Variants in PPFIBP1 observed in about 807,000 individuals in gnomAD.
PPFIBP1 encodes liprin-beta-1.
In PPFIBP1, 112 loss-of-function variants were observed where a neutral mutation model predicts 137.8. The ratio of observed to expected loss-of-function variants is 0.81; its 90% CI spans 0.70 to 0.95. The LOEUF (loss-of-function observed/expected upper bound fraction) is 0.95, where lower values mean the gene tolerates loss of function less well. Among genes scored for constraint, PPFIBP1 ranks in the 40% least tolerant of loss-of-function variants. The pLI, the probability that PPFIBP1 is intolerant of heterozygous loss-of-function variation, is 0.00. For synonymous variants in PPFIBP1, 378 were observed against 417.3 expected, an observed-to-expected ratio of 0.91 and a Z score of 1.15; for missense variants, 1,083 against 1,196.6, an observed-to-expected ratio of 0.91 and a Z score of 1.40.
chr12:27,678,834 GAA>G (rs2060685669), intron 19 of PPFIBP1, among the ~76,000 whole-genome samples: 1 of 120,920 alleles, frequency 8.3e-6, no homozygotes, highest in Non-Finnish European at 1.6e-5. Context: ...TCCAGCCTGG[GAA>G]ACAGAGTGAG....
chr12:27,582,828 A>G (rs993993345), intron 2 of PPFIBP1, among the ~76,000 whole-genome samples: 2 of 152,204 alleles, frequency 1.3e-5, no homozygotes, highest in Non-Finnish European at 2.9e-5. Flanking sequence ...TATTACCTTG[A>G]GCTGAGGTGT....
chr12:27,550,676 A>T (rs1946674889), intron 1 of PPFIBP1, among the ~76,000 whole-genome samples: 1 of 152,204 alleles, frequency 6.6e-6, no homozygotes, highest in African/African-American at 2.4e-5. Context: ...TGTAAGACAC[A>T]TTCCAATATT....
chr12:27,680,838 AC>A, intron 21 of PPFIBP1, among the ~76,000 whole-genome samples: 1 of 152,338 alleles, frequency 6.6e-6, no homozygotes. Flanking sequence ...TAATAGACTG[AC>A]TAGAAACCCT....
chr12:27,622,975 A>G (rs1028333437), intron 2 of PPFIBP1, among the ~76,000 whole-genome samples: 4 of 152,220 alleles, frequency 2.6e-5, no homozygotes, highest in African/African-American at 9.6e-5. Flanking sequence ...GTGCTCATGT[A>G]TAGGAATTTA....
At position 27,681,784 on chromosome 12, in the gene PPFIBP1, A is replaced by G. The variant is rs569467465; in HGVS notation, c.2046+88A>G. 133 of 1,441,410 alleles carry G rather than the reference A, an allele frequency of 9.2e-5. 1 individual carries two copies. The African/African-American group carries it at 1.1e-3, about 12-fold the overall frequency. The allele number at this position is 1,441,410 out of a possible 1,614,324, so 89.3% of individuals were successfully genotyped here. The stretch of plus-strand genomic sequence containing the variant: ...GTTGTTTTATAGTCCAGAAAGGGCC[A>G]TGAGTGAAGCCAGTAAAAACTCTGT... On this transcript the variant is annotated intron_variant, in intron 22 of 29. Coordinates refer to ENST00000228425, the MANE Select transcript of PPFIBP1 (RefSeq NM_003622.4).
intron 27 of PPFIBP1, among the ~76,000 whole-genome samples, chr12:27,691,162 A>G (rs1365148644): frequency 2.7e-5 from 4 of 149,972 alleles, no homozygotes; most frequent in Non-Finnish European, 5.9e-5. Flanking sequence ...CAAGATAATT[A>G]TAGCCTCACC....
intron 1 of PPFIBP1, among the ~76,000 whole-genome samples, chr12:27,558,726 G>A (rs1416813179): frequency 1.3e-5 from 2 of 152,070 alleles, no homozygotes; most frequent in East Asian, 1.9e-4. Flanking sequence ...GCACTGTAGG[G>A]CCCCAATTCG....
At chr12:27,601,409 C>T (rs2053970753) in intron 2 of PPFIBP1, among the ~76,000 whole-genome samples, 1 of 152,146 alleles carries the variant, frequency 6.6e-6, no homozygotes. Flanking sequence ...CAGATACAAC[C>T]TTATCAAGGC....
At chr12:27,580,248 A>T (rs1340919648) in intron 2 of PPFIBP1, among the ~76,000 whole-genome samples, 1 of 152,198 alleles carries the variant, frequency 6.6e-6, no homozygotes, top group African/African-American at 2.4e-5. Flanking sequence ...GCTTTGAAAA[A>T]CCAGTCCCTA....
chr12:27,612,687 G>A (rs139751541), intron 2 of PPFIBP1, among the ~76,000 whole-genome samples: 14 of 152,038 alleles, frequency 9.2e-5, no homozygotes, highest in African/African-American at 1.7e-4. Context: ...CCCTGTTCCC[G>A]CAGCACGTCA....
At chr12:27,605,580 T>C (rs2054446539) in intron 2 of PPFIBP1, among the ~76,000 whole-genome samples, 2 of 152,260 alleles carry the variant, frequency 1.3e-5, no homozygotes, top group South Asian at 4.1e-4. Context: ...ATATATAAAA[T>C]ATAATTTCAC....
chr12:27,688,162 A>C, intron 25 of PPFIBP1, 136 bp from the exon 26 acceptor site: 1 of 1,029,748 alleles, frequency 9.7e-7, no homozygotes, highest in Non-Finnish European at 1.4e-6. Context: ...AAACTATGAC[A>C]GAAATTCTTT....
intron 2 of PPFIBP1, chr12:27,592,894 C>A (rs775999957): frequency 2.4e-5 from 11 of 461,958 alleles, no homozygotes; most frequent in East Asian, 4.0e-5. Flanking sequence ...AGTATCAGCA[C>A]TTTGGGAGGC....
intron 19 of PPFIBP1, chr12:27,678,043 A>G (rs940015622): frequency 6.6e-6 from 1 of 152,212 alleles, no homozygotes; most frequent in African/African-American, 2.4e-5. Context: ...CTGTTTTGTT[A>G]ATGCTAAGAG....
chr12:27,654,899 A>G (rs2059100302), intron 8 of PPFIBP1, 85 bp downstream of exon 8: 28 of 1,472,054 alleles, frequency 1.9e-5, no homozygotes, highest in Middle Eastern at 1.8e-4. Flanking sequence ...GATGTTTTCT[A>G]CTTAATGTAT....
intron 2 of PPFIBP1, among the ~76,000 whole-genome samples, chr12:27,590,245 T>G (rs1308506379): frequency 3.3e-5 from 5 of 152,096 alleles, no homozygotes; most frequent in Admixed American, 3.3e-4. Flanking sequence ...GTGCCATCTC[T>G]TCTCACTGCA....
intron 12 of PPFIBP1, among the ~76,000 whole-genome samples, chr12:27,666,921 G>C (rs1437950340): frequency 6.6e-6 from 1 of 152,064 alleles, no homozygotes; most frequent in Non-Finnish European, 1.5e-5. Context: ...TCAATGTATC[G>C]AGTATGACTT....
intron 1 of PPFIBP1, among the ~76,000 whole-genome samples, chr12:27,571,765 C>A (rs1175115134): frequency 6.6e-6 from 1 of 151,986 alleles, no homozygotes; most frequent in Non-Finnish European, 1.5e-5. Context: ...TTCAGAATGG[C>A]CTTTCACAAT....
At chr12:27,657,996 C>G (rs12822840) in intron 9 of PPFIBP1, among the ~76,000 whole-genome samples, 41,966 of 151,520 alleles carry the variant, frequency 0.28, 6,290 homozygotes, top group Non-Finnish European at 0.34. Context: ...TTTCACCAGG[C>G]ATGGTGGCTC....
Sources: gnomAD v4.1 joint callset for allele counts (sites outside exome capture counted in the v4.1 genomes callset) on GRCh38, gnomAD v4.1.1 for gene constraint, MANE v1.5 for transcripts, NCBI Gene and HGNC (gene_info 2026-07-23, HGNC 2026-07-21) for gene names.